The following CFAP36 variants were observed in gnomAD, a reference collection of about 807,000 sequenced individuals.
CFAP36 encodes the protein cilia- and flagella-associated protein 36.
A neutral mutation model predicts 50.5 loss-of-function variants in CFAP36; 37 were observed. That is an observed-to-expected ratio of 0.73 (90% CI 0.56 to 0.96). CFAP36 has a LOEUF of 0.96. CFAP36 is among the 50% of genes least tolerant of loss of function. CFAP36 has a pLI of 0.00. For missense variants in CFAP36, 407 were observed against 396.2 expected (o/e 1.03, Z -0.23); for synonymous variants, 138 against 128.2 (o/e 1.08, Z -0.52).
intron 7 of CFAP36, among the ~76,000 whole-genome samples, chr2:55,542,165 T>C (rs1293333469): frequency 6.6e-6 from 1 of 152,226 alleles, no homozygotes; most frequent in Non-Finnish European, 1.5e-5. Context: ...TATTTAAATC[T>C]TGTGTCTAAC....
chr2:55,544,256 C>T lies in CFAP36; in HGVS notation c.814C>T (p.Arg272Ter), dbSNP rs748530924. The T allele has an allele frequency of 2.9e-5, 47 of 1,613,568 alleles. No homozygotes were observed. The East Asian group carries it at 7.8e-4, about 27-fold the overall frequency. Residue 272 changes from arginine (R) to a stop codon, truncating the protein, a stop_gained, in exon 9 of 10, where the codon CGA (arginine) becomes TGA (stop). Coordinates refer to ENST00000349456, the MANE Select transcript of CFAP36 (RefSeq NM_080667.7). LOFTEE classifies it high-confidence loss of function. ...ACTTGGAACAGAAGAACTTCGGCAA[C>T]GAGAACACTATCTCAAGCAGAAGAG... Reference protein sequence around the residue: ...SVLGTEELRQREHYLKQKRDK... With the variant: ...SVLGTEELRQ
intron 7 of CFAP36, chr2:55,538,798 C>T (rs1191589872): frequency 7.8e-6 from 12 of 1,545,782 alleles, no homozygotes; most frequent in African/African-American, 1.4e-5. Flanking sequence ...TGTCCAAGAT[C>T]ACCGAACTCT....
chr2:55,541,825 GT>G (rs1364370051), intron 7 of CFAP36, among the ~76,000 whole-genome samples: 2 of 120,990 alleles, frequency 1.7e-5, no homozygotes, highest in Non-Finnish European at 1.7e-5. Flanking sequence ...ATTAAGTATT[GT>G]GTTAAGTTTT....
At chr2:55,525,713 CT>C (rs950170846) in intron 3 of CFAP36, among the ~76,000 whole-genome samples, 5 of 152,238 alleles carry the variant, frequency 3.3e-5, no homozygotes, top group Admixed American at 3.3e-4. Context: ...TCACTGCAAC[CT>C]CCGTCTCCTA....
intron 7 of CFAP36, chr2:55,538,933 G>T: frequency 7.0e-7 from 1 of 1,426,734 alleles, no homozygotes; most frequent in South Asian, 1.6e-5. Flanking sequence ...TTTAATGTAA[G>T]TTGGAGAACA....
chr2:55,544,338 A>G lies in CFAP36; in HGVS notation c.896A>G (p.Glu299Gly), dbSNP rs1237097153. Residue 299 changes from glutamate to glycine, a missense_variant, in exon 9 of 10, where the codon GAG becomes GGG. Glu to Gly is a moderately conservative substitution (Grantham distance 98). Transcript: ENST00000349456. ...DMRTKQIQNM[E>G]QKGKPTGEVE... ...AGGACTAAACAGATACAAAATATGG[A>G]GCAGAAAGGAAAACCCACTGGGGAG... is the stretch of plus-strand genomic sequence containing the variant. 3.7e-6 allele frequency: 6 copies of G among 1,613,472 alleles called. No individual in the cohort carries two copies. The South Asian group carries it at 4.4e-5, about 12-fold the overall frequency.
In CFAP36 at chr2:55,537,470, T is replaced by A; in HGVS notation, c.538-13T>A. The A allele has an allele frequency of 6.4e-7, 1 of 1,569,052 alleles. No individual in the cohort carries two copies. Among genetic ancestry groups the A allele is most frequent in the Non-Finnish European group, 8.7e-7 (1 of 1,150,598 alleles). ...GTGTGTTTTTTAAAAAATTGTATTA[T>A]GGAATCCTGAAGTTATCAGAGGCTA... is the stretch of plus-strand genomic sequence containing the variant. On this transcript the variant is annotated splice_polypyrimidine_tract_variant and intron_variant, in intron 6 of 9. Coordinates refer to ENST00000349456, the MANE Select transcript of CFAP36 (RefSeq NM_080667.7).
Position 55,543,842 on chromosome 2 carries a change from G to C in CFAP36, c.641-96G>C. ...ACTGAATGACTATGAGGAAAAACAA[G>C]TATTATTAACATTAGCTCATTTCGG... On this transcript the variant is annotated intron_variant, in intron 7 of 9. Coordinates refer to ENST00000349456, the MANE Select transcript of CFAP36 (RefSeq NM_080667.7). The C allele has an allele frequency of 3.4e-6, 4 of 1,192,342 alleles. No individual in the cohort carries two copies. In the South Asian group the frequency reaches 4.2e-5, roughly 12 times the overall value. 73.9% of individuals were successfully genotyped at this position (1,192,342 alleles called of 1,614,324 possible).
intron 5 of CFAP36, among the ~76,000 whole-genome samples, chr2:55,534,954 TC>T (rs2103655736): frequency 6.6e-6 from 1 of 152,272 alleles, no homozygotes; most frequent in African/African-American, 2.4e-5. Flanking sequence ...GCCACATCCC[TC>T]CTTGGATGGC....
At chr2:55,535,613 T>G in intron 5 of CFAP36, 99 bp from the exon 6 acceptor site, 1 of 917,176 alleles carries the variant, frequency 1.1e-6, no homozygotes. Flanking sequence ...CTAATGTGCC[T>G]TTTATTGTAA....
chr2:55,538,899 A>C, intron 7 of CFAP36: 1 of 1,468,194 alleles, frequency 6.8e-7, no homozygotes, highest in Non-Finnish European at 9.0e-7. Context: ...AATTGAGATT[A>C]GTGTGATGTT....
At chr2:55,535,882 TA>T (rs1684470143) in intron 6 of CFAP36, 119 bp downstream of exon 6, 1 of 1,416,914 alleles carries the variant, frequency 7.1e-7, no homozygotes, top group African/African-American at 1.5e-5. Flanking sequence ...AAGTACAATG[TA>T]AATATTGACC....
Position 55,544,330 on chromosome 2 carries a change from A to C in CFAP36, c.888A>C (p.Gln296His), listed in dbSNP as rs1684718746. Residue 296 changes from glutamine to histidine, a missense_variant, in exon 9 of 10, where the codon CAA becomes CAC. Transcript: ENST00000349456. ...AGGATATGAGGACTAAACAGATACA[A>C]AATATGGAGCAGAAAGGAAAACCCA... Reference protein sequence around the residue: ...MRKDMRTKQIQNMEQKGKPTG... With the variant: ...MRKDMRTKQIHNMEQKGKPTG... The C allele has an allele frequency of 6.2e-7, 1 of 1,613,740 alleles. No homozygotes were observed. The highest frequency in any genetic ancestry group is 1.3e-5 in the African/African-American group (1 of 74,908).
At chr2:55,532,677 C>T (rs189380632) in intron 4 of CFAP36, among the ~76,000 whole-genome samples, 93 of 152,020 alleles carry the variant, frequency 6.1e-4, no homozygotes, top group African/African-American at 1.8e-3. Flanking sequence ...GCACTTACCT[C>T]AAAATAAAAC....
At chr2:55,536,705 C>T (rs942727642) in intron 6 of CFAP36, among the ~76,000 whole-genome samples, 1 of 151,738 alleles carries the variant, frequency 6.6e-6, no homozygotes, top group Non-Finnish European at 1.5e-5. Context: ...ACCTGCCTGC[C>T]ACTGTGCCTG....
At chr2:55,535,789 T>C in intron 6 of CFAP36, 26 bp downstream of exon 6, 1 of 1,546,336 alleles carries the variant, frequency 6.5e-7, no homozygotes, top group Non-Finnish European at 8.7e-7. Context: ...ATAACAGAAG[T>C]ATTTTATTGC....
chr2:55,523,885 A>G, intron 3 of CFAP36, 63 bp downstream of exon 3: 1 of 1,010,482 alleles, frequency 9.9e-7, no homozygotes, highest in Admixed American at 2.4e-5. Flanking sequence ...TTAAACACTC[A>G]CTTAAATTTG....
intron 4 of CFAP36, among the ~76,000 whole-genome samples, chr2:55,532,167 G>T (rs982914811): frequency 2.6e-5 from 4 of 151,028 alleles, no homozygotes; most frequent in Non-Finnish European, 4.4e-5. Context: ...GTACCACTGC[G>T]TGCCAGCCTG....
At chr2:55,520,227 C>G (rs1374580271) in intron 1 of CFAP36, among the ~76,000 whole-genome samples, 1 of 152,242 alleles carries the variant, frequency 6.6e-6, no homozygotes, top group African/African-American at 2.4e-5. Flanking sequence ...TTCGGTCTCT[C>G]ACCCTGTCCC....
Sources: allele counts gnomAD v4.1 joint callset (sites outside exome capture counted in the v4.1 genomes callset), GRCh38; gene constraint gnomAD v4.1.1; transcripts MANE v1.5; gene names NCBI Gene and HGNC (gene_info 2026-07-23, HGNC 2026-07-21).